PPP1R9A: variants seen among roughly 807,000 people sequenced by gnomAD.
PPP1R9A encodes the protein neurabin-1.
A neutral mutation model predicts 141.9 loss-of-function variants in PPP1R9A; 59 were observed. The ratio of observed to expected loss-of-function variants is 0.42; its 90% CI spans 0.34 to 0.52. PPP1R9A has a LOEUF of 0.52. Among genes scored for constraint, PPP1R9A ranks in the 20% least tolerant of loss-of-function variants. PPP1R9A has a pLI of 0.10. For missense variants in PPP1R9A, 1,444 were observed against 1,611.9 expected (o/e 0.90, Z 1.78); for synonymous variants, 500 against 569.7 (o/e 0.88, Z 1.74).
intron 4 of PPP1R9A, among the ~76,000 whole-genome samples, chr7:95,141,963 C>T (rs771550730): frequency 3.9e-5 from 6 of 152,098 alleles, no homozygotes; most frequent in Non-Finnish European, 8.8e-5. Context: ...GTTTCATAAG[C>T]AGCTGAGTCA....
intron 2 of PPP1R9A, among the ~76,000 whole-genome samples, chr7:94,999,725 T>A (rs1450663268): frequency 6.6e-6 from 1 of 151,652 alleles, no homozygotes; most frequent in Non-Finnish European, 1.5e-5. Flanking sequence ...GTTGCATTAC[T>A]TTTTAGCACA....
At chr7:95,055,772 T>A (rs897033258) in intron 2 of PPP1R9A, among the ~76,000 whole-genome samples, 5 of 152,138 alleles carry the variant, frequency 3.3e-5, no homozygotes, top group African/African-American at 1.2e-4. Context: ...CTCAAGTACC[T>A]TGTACTCTAG....
intron 2 of PPP1R9A, among the ~76,000 whole-genome samples, chr7:95,078,807 G>A (rs1171775172): frequency 7.3e-5 from 11 of 151,000 alleles, no homozygotes; most frequent in Admixed American, 2.0e-4. Flanking sequence ...CATGTCCTTC[G>A]CCCACTTTTT....
At chr7:95,056,076 ACTT>A (rs1230227322) in intron 2 of PPP1R9A, among the ~76,000 whole-genome samples, 1 of 152,120 alleles carries the variant, frequency 6.6e-6, no homozygotes. Flanking sequence ...CATGTCTCAT[ACTT>A]CTTTACTTGC....
intron 2 of PPP1R9A, among the ~76,000 whole-genome samples, chr7:95,072,949 A>G (rs1435621436): frequency 7.7e-6 from 1 of 129,632 alleles, no homozygotes; most frequent in East Asian, 2.0e-4. Context: ...TATATATTAT[A>G]TATTATAATA....
intron 4 of PPP1R9A, among the ~76,000 whole-genome samples, chr7:95,131,331 G>A (rs1166632786): frequency 1.3e-5 from 2 of 152,142 alleles, no homozygotes; most frequent in African/African-American, 2.4e-5. Flanking sequence ...CTTCCGCCAT[G>A]ATTGTGGGGC....
chr7:95,268,815 G>A (rs1801701270), intron 13 of PPP1R9A, 108 bp downstream of exon 13: 1 of 1,306,896 alleles, frequency 7.7e-7, no homozygotes, highest in Admixed American at 2.5e-5. Flanking sequence ...TGTCCTAGTT[G>A]GTAAGCAGCT....
chr7:94,940,815 A>G (rs1318663852), intron 2 of PPP1R9A, among the ~76,000 whole-genome samples: 1 of 152,066 alleles, frequency 6.6e-6, no homozygotes. Context: ...TTTTTAGAAT[A>G]GGAAAAATCT....
intron 17 of PPP1R9A, among the ~76,000 whole-genome samples, chr7:95,284,652 C>A (rs1344098178): frequency 6.6e-6 from 1 of 152,194 alleles, no homozygotes; most frequent in East Asian, 1.9e-4. Context: ...TTCAGTACAT[C>A]TAAGTGAAAC....
intron 2 of PPP1R9A, among the ~76,000 whole-genome samples, chr7:95,040,412 T>C (rs1809065486): frequency 6.6e-6 from 1 of 151,990 alleles, no homozygotes; most frequent in African/African-American, 2.4e-5. Context: ...GGAGTTATTT[T>C]ACTTATAAGC....
intron 2 of PPP1R9A, among the ~76,000 whole-genome samples, chr7:95,001,093 T>A (rs1418832145): frequency 6.6e-6 from 1 of 152,140 alleles, no homozygotes; most frequent in African/African-American, 2.4e-5. Flanking sequence ...TGTGGTAATT[T>A]GATGTTTTAT....
chr7:95,039,716 G>C (rs1808948562), intron 2 of PPP1R9A, among the ~76,000 whole-genome samples: 1 of 149,992 alleles, frequency 6.7e-6, no homozygotes, highest in African/African-American at 2.5e-5. Context: ...TGAAATGTAA[G>C]GGAAAAAAGG....
Position 95,244,194 on chromosome 7 carries a change from G to A in PPP1R9A, c.2113-3279G>A, listed in dbSNP as rs551129866. On this transcript the variant is annotated intron_variant, in intron 8 of 19. Coordinates refer to ENST00000433360, the MANE Select transcript of PPP1R9A (RefSeq NM_001166160.2). ...TACTTAGTAACACTCCAAACTTTGC[G>A]CAGTTGTTCTCACCTCACTGCTAAT... 2.2e-4 allele frequency among the ~76,000 whole-genome samples: 33 copies of A among 152,200 alleles called. 1 individual carries two copies. In the South Asian group the frequency reaches 6.0e-3, roughly 28 times the overall value.
chr7:95,260,439 GA>G (rs1204601942), intron 12 of PPP1R9A, among the ~76,000 whole-genome samples: 1 of 152,176 alleles, frequency 6.6e-6, no homozygotes, highest in Non-Finnish European at 1.5e-5. Flanking sequence ...AGCACTTTGG[GA>G]GGCCAAGGCG....
chr7:95,002,620 T>A (rs1803093832), intron 2 of PPP1R9A, among the ~76,000 whole-genome samples: 1 of 152,092 alleles, frequency 6.6e-6, no homozygotes, highest in Non-Finnish European at 1.5e-5. Context: ...TTACCTGGCC[T>A]AAAATTGGAA....
chr7:95,200,067 C>T (rs1212883103), intron 6 of PPP1R9A, among the ~76,000 whole-genome samples: 1 of 151,704 alleles, frequency 6.6e-6, no homozygotes, highest in African/African-American at 2.4e-5. Flanking sequence ...TGGGCTAGAT[C>T]ACAAAATTCC....
chr7:94,911,390 A>G lies in PPP1R9A; in HGVS notation c.1277A>G (p.Asp426Gly). ...ETGTEQDEEE[D>G]SDENSYYQPD... ...GGCACTGAGCAGGATGAGGAGGAAG[A>G]TAGTGATGAGAACAGTTACTATCAG... The change falls in exon 2 of 20, where the codon GAT becomes GGT. Residue 426 changes from aspartate (D) to glycine (G), a missense_variant. Physicochemically the swap from Asp to Gly is moderately conservative, Grantham distance 94. This residue lies in a region of PPP1R9A where 490 missense variants were observed against 521.1 expected (regional missense o/e 0.94). Transcript: ENST00000433360. 3.1e-6 allele frequency: 5 copies of G among 1,614,140 alleles called. No individual in the cohort carries two copies. The highest frequency in any genetic ancestry group is 3.3e-4 in the Middle Eastern group (2 of 6,062).
chr7:94,958,601 C>G (rs1261230893), intron 2 of PPP1R9A, among the ~76,000 whole-genome samples: 1 of 151,788 alleles, frequency 6.6e-6, no homozygotes, highest in Non-Finnish European at 1.5e-5. Flanking sequence ...AATAGGTGTG[C>G]CCTAAAAAAT....
chr7:95,251,679 C>G, intron 10 of PPP1R9A, 83 bp from the exon 11 acceptor site: 1 of 1,266,016 alleles, frequency 7.9e-7, no homozygotes, highest in Non-Finnish European at 1.1e-6. Context: ...GTTGCTTATC[C>G]TACTATGCAG....
Sources: gnomAD v4.1 joint callset for allele counts (sites outside exome capture counted in the v4.1 genomes callset) on GRCh38, gnomAD v4.1.1 for gene constraint, gnomAD v4.1.1 regional missense constraint, MANE v1.5 for transcripts, NCBI Gene and HGNC (gene_info 2026-07-23, HGNC 2026-07-21) for gene names.